HERC3: variants seen among roughly 807,000 people sequenced by gnomAD.
HERC3 encodes probable E3 ubiquitin-protein ligase HERC3.
HERC3 carries 58 observed loss-of-function variants against 129.9 expected under a neutral mutation model. That is an observed-to-expected ratio of 0.45 (90% CI 0.36 to 0.56). The LOEUF (loss-of-function observed/expected upper bound fraction) is 0.56, where lower values mean the gene tolerates loss of function less well. Among genes scored for constraint, HERC3 ranks in the 20% least tolerant of loss-of-function variants. HERC3 has a pLI of 0.00. For missense variants in HERC3, 835 were observed against 1,244.2 expected (o/e 0.67, Z 4.95); for synonymous variants, 430 against 451.0 (o/e 0.95, Z 0.59).
chr4:88,697,619 T>C (rs1435474342), intron 23 of HERC3: 2 of 1,609,330 alleles, frequency 1.2e-6, no homozygotes, highest in South Asian at 1.1e-5. Context: ...CCAGCCGCGC[T>C]GTCAGGGTCA....
At chr4:88,572,486 A>G in the HERC3 span, among the ~76,000 whole-genome samples, 3 of 152,008 alleles carry the variant, frequency 2.0e-5, no homozygotes, top group Non-Finnish European at 4.4e-5. Context: ...CTAACCAAAA[A>G]TCAATTTATC....
At chr4:88,697,349 C>A (rs374142688) in intron 23 of HERC3, 10 of 1,613,904 alleles carry the variant, frequency 6.2e-6, no homozygotes, top group Non-Finnish European at 7.6e-6. Flanking sequence ...TCCTCCTCCC[C>A]CTCCAAGGTC....
At chr4:88,574,306 G>A in the HERC3 span, among the ~76,000 whole-genome samples, 2 of 152,084 alleles carry the variant, frequency 1.3e-5, no homozygotes, top group Admixed American at 1.3e-4. Flanking sequence ...TTAGGGATCT[G>A]GAAAGTAAAG....
chr4:88,640,091 G>A (rs1727908053), intron 3 of HERC3, among the ~76,000 whole-genome samples: 1 of 152,180 alleles, frequency 6.6e-6, no homozygotes, highest in South Asian at 2.1e-4. Flanking sequence ...ATGCTGGCGA[G>A]GCTATGGAGA....
At chr4:88,576,030 A>G in the HERC3 span, among the ~76,000 whole-genome samples, 2 of 152,180 alleles carry the variant, frequency 1.3e-5, no homozygotes, top group African/African-American at 4.8e-5. Context: ...GGACAGCACT[A>G]TCTTAACCAG....
At chr4:88,577,617 A>ATACATATAT in the HERC3 span, among the ~76,000 whole-genome samples, 4 of 149,830 alleles carry the variant, frequency 2.7e-5, no homozygotes, top group Admixed American at 6.6e-5. Flanking sequence ...ATATATATAT[A>ATACATATAT]ATAGGTTTGT....
At chr4:88,586,033 C>G in the HERC3 span, among the ~76,000 whole-genome samples, 1 of 152,210 alleles carries the variant, frequency 6.6e-6, no homozygotes. Flanking sequence ...TAAGAGTCTG[C>G]ATTCTATCTG....
chr4:88,694,608 C>CT (rs1734403435), intron 23 of HERC3, among the ~76,000 whole-genome samples: 1 of 152,100 alleles, frequency 6.6e-6, no homozygotes, highest in African/African-American at 2.4e-5. Context: ...TAAAGGTTTT[C>CT]TTAGCTGTTC....
chr4:88,536,553 T>G, the HERC3 span, among the ~76,000 whole-genome samples: 1 of 152,198 alleles, frequency 6.6e-6, no homozygotes, highest in African/African-American at 2.4e-5. Flanking sequence ...AGAAGATCCT[T>G]TAGGTCACAT....
chr4:88,607,439 T>A (rs1384847399), intron 3 of HERC3, among the ~76,000 whole-genome samples: 1 of 152,082 alleles, frequency 6.6e-6, no homozygotes, highest in Non-Finnish European at 1.5e-5. Context: ...TATTTTAAGC[T>A]TGTTGATTTT....
the HERC3 span, among the ~76,000 whole-genome samples, chr4:88,549,015 C>T: frequency 6.6e-6 from 1 of 152,024 alleles, no homozygotes; most frequent in Non-Finnish European, 1.5e-5. Flanking sequence ...CTATTATTTT[C>T]TTCAGTTGCT....
chr4:88,693,613 A>G, intron 23 of HERC3: 1 of 961,102 alleles, frequency 1.0e-6, no homozygotes, highest in Non-Finnish European at 1.2e-6. Context: ...TCCCTTTAAA[A>G]TGGTTAATTT....
the HERC3 span, among the ~76,000 whole-genome samples, chr4:88,582,963 G>A: frequency 3.0e-4 from 45 of 152,268 alleles, no homozygotes; most frequent in African/African-American, 1.0e-3. Context: ...TATTTTGTGT[G>A]CCTCTTGTGC....
At chr4:88,670,337 G>A (rs1033568361) in intron 16 of HERC3, 85 bp downstream of exon 16, 1 of 872,868 alleles carries the variant, frequency 1.1e-6, no homozygotes, top group African/African-American at 1.7e-5. Context: ...CTTTGACTTT[G>A]ATGTCAGTGT....
At chr4:88,695,335 C>T (rs1195455499) in intron 23 of HERC3, among the ~76,000 whole-genome samples, 1 of 152,068 alleles carries the variant, frequency 6.6e-6, no homozygotes, top group Non-Finnish European at 1.5e-5. Context: ...AATTTTAACC[C>T]TTCAGGGAAA....
intron 23 of HERC3, chr4:88,697,444 G>C (rs1734736099): frequency 6.2e-7 from 1 of 1,613,916 alleles, no homozygotes; most frequent in Admixed American, 1.7e-5. Flanking sequence ...TTTTTCCAGA[G>C]CCTGAAATTC....
At chr4:88,678,399 AAAAC>A (rs1300367502) in intron 19 of HERC3, among the ~76,000 whole-genome samples, 1 of 152,206 alleles carries the variant, frequency 6.6e-6, no homozygotes, top group Non-Finnish European at 1.5e-5. Flanking sequence ...AGCTCTATCA[AAAAC>A]AAGCAAACAA....
At chr4:88,627,899 C>T (rs913503792) in intron 3 of HERC3, among the ~76,000 whole-genome samples, 5 of 123,898 alleles carry the variant, frequency 4.0e-5, no homozygotes, top group South Asian at 2.7e-4. Context: ...AGCGAAACTC[C>T]GTCTCAAAAA....
intron 25 of HERC3, 47 bp from the exon 26 acceptor site, chr4:88,706,705 C>T: frequency 1.3e-6 from 2 of 1,503,538 alleles, no homozygotes; most frequent in Non-Finnish European, 1.8e-6. Context: ...CTCTGAGATC[C>T]ATTTTCCGTT....
Sources: gnomAD v4.1 joint callset for allele counts (sites outside exome capture counted in the v4.1 genomes callset) on GRCh38, gnomAD v4.1.1 for gene constraint, MANE v1.5 for transcripts, NCBI Gene and HGNC (gene_info 2026-07-23, HGNC 2026-07-21) for gene names.